The following TLK2 variants were observed in gnomAD, a reference collection of about 807,000 sequenced individuals.
The protein encoded by TLK2 is serine/threonine-protein kinase tousled-like 2.
TLK2 carries 6 observed loss-of-function variants against 117.3 expected under a neutral mutation model. The observed-to-expected ratio is 0.05, with a 90% confidence interval of 0.03 to 0.10. TLK2 has a LOEUF of 0.10. TLK2 is among the 10% of genes least tolerant of loss of function. The pLI, the probability that TLK2 is intolerant of heterozygous loss-of-function variation, is 1.00. For synonymous variants in TLK2, 257 were observed against 316.7 expected, an observed-to-expected ratio of 0.81 and a Z score of 2.00; for missense variants, 299 against 901.2, an observed-to-expected ratio of 0.33 and a Z score of 8.56.
At chr17:62,525,922 G>A (rs182395529) in intron 6 of TLK2, among the ~76,000 whole-genome samples, 140 of 152,148 alleles carry the variant, frequency 9.2e-4, no homozygotes, top group Non-Finnish European at 4.7e-4. Flanking sequence ...TATCTATTTG[G>A]GACAGATACG....
At chr17:62,586,276 G>T (rs1299839396) in intron 16 of TLK2, 50 bp downstream of exon 16, 1 of 1,320,436 alleles carries the variant, frequency 7.6e-7, no homozygotes, top group Non-Finnish European at 1.1e-6. Flanking sequence ...AATACCTGTA[G>T]TTTGAGCATT....
intron 6 of TLK2, among the ~76,000 whole-genome samples, chr17:62,535,799 G>GA (rs201842250): frequency 6.7e-6 from 1 of 150,274 alleles, no homozygotes; most frequent in African/African-American, 2.4e-5. Flanking sequence ...AAAGAAAAAA[G>GA]AAAAAAAAGT....
At chr17:62,535,907 C>G (rs1171388273) in intron 6 of TLK2, among the ~76,000 whole-genome samples, 2 of 151,918 alleles carry the variant, frequency 1.3e-5, no homozygotes, top group Non-Finnish European at 2.9e-5. Context: ...TAGAATTCTA[C>G]AAAGTAACAT....
intron 2 of TLK2, among the ~76,000 whole-genome samples, chr17:62,516,983 G>A (rs2075651010): frequency 6.6e-6 from 1 of 152,086 alleles, no homozygotes; most frequent in African/African-American, 2.4e-5. Flanking sequence ...TCAGCTCACT[G>A]CAACCTCCAC....
At chr17:62,496,380 CATA>C (rs1267118803) in intron 2 of TLK2, among the ~76,000 whole-genome samples, 2 of 152,130 alleles carry the variant, frequency 1.3e-5, no homozygotes, top group South Asian at 4.2e-4. Context: ...TAATCTTGTA[CATA>C]ATGTCATTTA....
chr17:62,473,348 T>A (rs1373262825), intron 1 of TLK2, among the ~76,000 whole-genome samples: 1 of 152,170 alleles, frequency 6.6e-6, no homozygotes, highest in Non-Finnish European at 1.5e-5. Context: ...AGCAAATTGC[T>A]ATTGTCAGGC....
chr17:62,598,812 C>G (rs774265886), intron 17 of TLK2, among the ~76,000 whole-genome samples: 1 of 152,054 alleles, frequency 6.6e-6, no homozygotes, highest in African/African-American at 2.4e-5. Context: ...CTTGAGCCAC[C>G]GCGCCTGGCT....
intron 9 of TLK2, among the ~76,000 whole-genome samples, chr17:62,558,164 T>C (rs974906930): frequency 2.6e-5 from 4 of 151,914 alleles, no homozygotes; most frequent in African/African-American, 4.8e-5. Flanking sequence ...TTTTTTTTTT[T>C]CTTTTTTTTA....
At chr17:62,610,767 T>C (rs965062164) in intron 21 of TLK2, among the ~76,000 whole-genome samples, 1 of 152,086 alleles carries the variant, frequency 6.6e-6, no homozygotes, top group East Asian at 1.9e-4. Flanking sequence ...GGAAGGCAGT[T>C]GCAGGTTTTA....
At chr17:62,516,244 A>G (rs1288747045) in intron 2 of TLK2, 2 of 814,000 alleles carry the variant, frequency 2.5e-6, no homozygotes, top group Admixed American at 4.4e-5. Context: ...TTCTTCTAAG[A>G]GTTGATTATA....
rs1419853181 is a variant in TLK2 at position 62,615,187 on chromosome 17, A to C, written c.*2622A>C. ...TAACTAGGCTTGGCTGAGTCCGGGC[A>C]AGACCTTCTTCCGAGGCATGGACAA... On this transcript the variant is annotated 3_prime_UTR_variant, in exon 22 of 22. Coordinates refer to ENST00000346027, the MANE Select transcript of TLK2 (RefSeq NM_006852.6). 1 of 152,184 alleles carries C rather than the reference A, an allele frequency of 6.6e-6. No homozygotes were observed. The highest frequency in any genetic ancestry group is 6.5e-5 in the Admixed American group (1 of 15,268). The allele number at this position is 152,184 out of a possible 1,614,324, so 9.4% of individuals were successfully genotyped here. A position where few individuals can be genotyped will look rare whatever the true frequency, so the allele number is the denominator to read the frequency against.
chr17:62,489,660 A>G (rs933729180), intron 2 of TLK2, among the ~76,000 whole-genome samples: 1 of 152,064 alleles, frequency 6.6e-6, no homozygotes, highest in African/African-American at 2.4e-5. Context: ...TTTCTAGAGC[A>G]CTTTTAGGTT....
At chr17:62,517,195 A>G (rs1175155406) in intron 2 of TLK2, among the ~76,000 whole-genome samples, 4 of 152,050 alleles carry the variant, frequency 2.6e-5, no homozygotes, top group Non-Finnish European at 2.9e-5. Context: ...GTGAGCCACC[A>G]TGCCAGCCTC....
At chr17:62,517,730 C>G (rs2075724445) in intron 2 of TLK2, among the ~76,000 whole-genome samples, 1 of 151,462 alleles carries the variant, frequency 6.6e-6, no homozygotes, top group African/African-American at 2.4e-5. Flanking sequence ...TGGAGTCTCA[C>G]TTTGTTGCCC....
At chr17:62,559,057 C>T (rs991180371) in intron 9 of TLK2, among the ~76,000 whole-genome samples, 4 of 152,052 alleles carry the variant, frequency 2.6e-5, no homozygotes, top group Non-Finnish European at 5.9e-5. Flanking sequence ...AAGTCAAATT[C>T]GTCCTTGGGT....
intron 7 of TLK2, among the ~76,000 whole-genome samples, chr17:62,546,290 G>A (rs556681505): frequency 6.6e-6 from 1 of 150,834 alleles, no homozygotes; most frequent in Admixed American, 6.6e-5. Flanking sequence ...TGCGATTATA[G>A]GCGTGAGCCA....
chr17:62,522,379 A>G (rs1218370287), intron 4 of TLK2, 106 bp downstream of exon 4: 18 of 1,267,618 alleles, frequency 1.4e-5, no homozygotes, highest in Non-Finnish European at 2.0e-5. Context: ...TTCCTGATAA[A>G]GGAGGTTTGT....
At chr17:62,552,206 T>C in intron 7 of TLK2, 96 bp from the exon 8 acceptor site, 1 of 948,626 alleles carries the variant, frequency 1.1e-6, no homozygotes, top group Non-Finnish European at 1.6e-6. Context: ...GTTTGTATTG[T>C]GGAGATACAA....
At chr17:62,497,067 G>T (rs2073769190) in intron 2 of TLK2, among the ~76,000 whole-genome samples, 1 of 151,970 alleles carries the variant, frequency 6.6e-6, no homozygotes, top group African/African-American at 2.4e-5. Context: ...GACCAGCCTG[G>T]GCAAAGTGGT....
Sources: allele counts gnomAD v4.1 joint callset (sites outside exome capture counted in the v4.1 genomes callset), GRCh38; gene constraint gnomAD v4.1.1; transcripts MANE v1.5; gene names NCBI Gene and HGNC (gene_info 2026-07-23, HGNC 2026-07-21).